Variants in DNAH7 observed in about 807,000 individuals in gnomAD.
DNAH7 encodes the protein dynein axonemal heavy chain 7.
In DNAH7, 397 loss-of-function variants were observed where a neutral mutation model predicts 444.6. The observed-to-expected ratio is 0.89, with a 90% CI of 0.82 to 0.97. DNAH7 has a LOEUF of 0.97. Ranked by LOEUF, DNAH7 falls within the 50% of genes least tolerant of loss-of-function variation. DNAH7 has a pLI of 0.00. For missense variants in DNAH7, 4,902 were observed against 4,800.8 expected (o/e 1.02, Z -0.62); for synonymous variants, 1,636 against 1,624.4 (o/e 1.01, Z -0.17).
intron 64 of DNAH7, among the ~76,000 whole-genome samples, chr2:195,739,700 A>T (rs1692875182): frequency 6.6e-6 from 1 of 152,178 alleles, no homozygotes; most frequent in South Asian, 2.1e-4. Context: ...CACATTTCCA[A>T]ATTTGCCTAC....
At position 195,884,788 on chromosome 2, in the gene DNAH7, T is replaced by C. The variant is rs62623593; in HGVS notation, c.5560A>G (p.Ile1854Val). The stretch of plus-strand genomic sequence containing the variant: ...GTACAAGAAGCACCAACGGACCAGA[T>C]CAATGAAAACAGAAAAATGCCCTGC... ...LLEGIFLFSL[I>V]WSVGASCTDD... is the part of the protein sequence containing the mutation. Residue 1854 changes from isoleucine to valine, a missense_variant, in exon 35 of 65, where the codon ATC (isoleucine) becomes GTC (valine). Ile to Val is a conservative substitution (Grantham distance 29). Transcript: ENST00000312428. 56,779 of 1,612,554 alleles carry C rather than the reference T, an allele frequency of 0.035. 1,608 individuals carry two copies. Among genetic ancestry groups the C allele is most frequent in the African/African-American group, 0.15 (10,870 of 74,964 alleles).
rs536021728 is a variant in DNAH7, at chr2:195,849,878, C to T, written c.8781+3465G>A. On this transcript the variant is annotated intron_variant, in intron 46 of 64. Transcript: ENST00000312428. ...TCAGCCTCCCAACATTCTGGGATTA[C>T]GGGTGTGAGCCACCTCACCCAGCAC... Among the ~76,000 whole-genome samples, 67 of 152,328 alleles carry T rather than the reference C, an allele frequency of 4.4e-4. 1 individual carries two copies. Among genetic ancestry groups the T allele is most frequent in the African/African-American group, 1.6e-3 (65 of 41,578 alleles).
intron 47 of DNAH7, among the ~76,000 whole-genome samples, chr2:195,843,775 G>A (rs1698821790): frequency 6.6e-6 from 1 of 152,172 alleles, no homozygotes; most frequent in East Asian, 1.9e-4. Context: ...GTTCACCAGA[G>A]TTTTAATTTG....
chr2:195,997,071 C>T (rs911032316), intron 12 of DNAH7, among the ~76,000 whole-genome samples: 1 of 152,144 alleles, frequency 6.6e-6, no homozygotes, highest in African/African-American at 2.4e-5. Context: ...GTACTGTGTG[C>T]AATGTAAAAT....
chr2:195,918,094 A>G (rs1448382167), intron 24 of DNAH7, among the ~76,000 whole-genome samples: 1 of 152,260 alleles, frequency 6.6e-6, no homozygotes, highest in Non-Finnish European at 1.5e-5. Context: ...TAACAAAAGA[A>G]AAATAAACAA....
chr2:195,872,626 T>C (rs903343543), intron 39 of DNAH7, among the ~76,000 whole-genome samples, 157 bp from the exon 40 acceptor site: 1 of 152,148 alleles, frequency 6.6e-6, no homozygotes, highest in East Asian at 1.9e-4. Flanking sequence ...ATAATACTAA[T>C]AGATTTTTAC....
At chr2:195,913,776 G>C (rs950172894) in intron 24 of DNAH7, among the ~76,000 whole-genome samples, 1 of 152,212 alleles carries the variant, frequency 6.6e-6, no homozygotes, top group African/African-American at 2.4e-5. Flanking sequence ...GTGCAGTGGC[G>C]CAATCTCGGC....
chr2:195,756,662 C>G (rs1694086389), intron 61 of DNAH7, among the ~76,000 whole-genome samples: 1 of 152,036 alleles, frequency 6.6e-6, no homozygotes, highest in Non-Finnish European at 1.5e-5. Context: ...TACAGACATG[C>G]ATCACCACAC....
chr2:195,915,361 C>CT (rs1687610480), intron 24 of DNAH7, among the ~76,000 whole-genome samples: 1 of 152,152 alleles, frequency 6.6e-6, no homozygotes, highest in Admixed American at 6.6e-5. Context: ...AAACAAGAGA[C>CT]TGTGTGCACA....
intron 63 of DNAH7, among the ~76,000 whole-genome samples, chr2:195,748,815 CA>C (rs1483081049): frequency 6.6e-6 from 1 of 152,150 alleles, no homozygotes; most frequent in Non-Finnish European, 1.5e-5. Flanking sequence ...CCCTTCCTTA[CA>C]CCTTATACAA....
intron 10 of DNAH7, among the ~76,000 whole-genome samples, chr2:196,007,668 A>G (rs912983817): frequency 2.6e-5 from 4 of 152,168 alleles, no homozygotes; most frequent in Admixed American, 2.0e-4. Context: ...GTGGTAGTGA[A>G]TAAGTCTCAC....
intron 24 of DNAH7, among the ~76,000 whole-genome samples, chr2:195,912,871 T>C (rs993765573): frequency 5.3e-5 from 8 of 152,310 alleles, no homozygotes; most frequent in African/African-American, 1.2e-4. Context: ...AGCACATCTA[T>C]TTTCCAAATT....
At chr2:196,005,313 T>C (rs910756981) in intron 10 of DNAH7, among the ~76,000 whole-genome samples, 1 of 150,144 alleles carries the variant, frequency 6.7e-6, no homozygotes, top group Admixed American at 6.6e-5. Context: ...CAAAAATATA[T>C]ATATATATAT....
chr2:195,860,466 C>T (rs954621014), intron 42 of DNAH7, among the ~76,000 whole-genome samples: 1 of 151,868 alleles, frequency 6.6e-6, no homozygotes, highest in Non-Finnish European at 1.5e-5. Context: ...GCAGCAGTCA[C>T]GGTGGGCACT....
At chr2:195,776,865 AG>A (rs1473467526) in intron 59 of DNAH7, among the ~76,000 whole-genome samples, 1 of 152,138 alleles carries the variant, frequency 6.6e-6, no homozygotes, top group East Asian at 1.9e-4. Flanking sequence ...CACATGGCAA[AG>A]GGGGTTTGGT....
chr2:195,900,662 G>A, intron 27 of DNAH7, 168 bp from the exon 28 acceptor site: 1 of 594,164 alleles, frequency 1.7e-6, no homozygotes, highest in Non-Finnish European at 2.9e-6. Context: ...GTGAGGTGGG[G>A]CAATGGGGAG....
intron 19 of DNAH7, among the ~76,000 whole-genome samples, chr2:195,955,059 T>C (rs1373484411): frequency 6.6e-6 from 1 of 152,256 alleles, no homozygotes; most frequent in Non-Finnish European, 1.5e-5. Flanking sequence ...TTGGCTTTTG[T>C]TGCCATGGCT....
At chr2:195,966,975 G>A (rs1691521420) in intron 17 of DNAH7, among the ~76,000 whole-genome samples, 2 of 151,936 alleles carry the variant, frequency 1.3e-5, no homozygotes, top group African/African-American at 2.4e-5. Flanking sequence ...GATAAGTAAG[G>A]AGTTACTTCT....
Position 195,834,334 on chromosome 2 carries a change from A to G in DNAH7, c.8972T>C (p.Ile2991Thr). 1.9e-6 allele frequency: 3 copies of G among 1,600,802 alleles called. No individual in the cohort carries two copies. Among genetic ancestry groups the G allele is most frequent in the South Asian group, 1.1e-5 (1 of 89,812 alleles). Residue 2991 changes from isoleucine to threonine, a missense_variant, in exon 48 of 65, where the codon ATA (isoleucine) becomes ACA (threonine). By Grantham distance (89) the Ile-to-Thr change is moderately conservative. Transcript: ENST00000312428. ...IMNARRWPLM[I>T]DPQSQANKWI... The stretch of plus-strand genomic sequence containing the variant: ...TTTATTAGCCTGACTTTGAGGATCT[A>G]TCATCAGAGGCCACCTTCTTGCATT...
Sources: gnomAD v4.1 joint callset for allele counts (sites outside exome capture counted in the v4.1 genomes callset) on GRCh38, gnomAD v4.1.1 for gene constraint, MANE v1.5 for transcripts, NCBI Gene and HGNC (gene_info 2026-07-23, HGNC 2026-07-21) for gene names.